COL11A1: variants seen among roughly 807,000 people sequenced by gnomAD.
COL11A1 encodes the protein collagen type XI alpha 1 chain.
Under a neutral mutation model 265.2 loss-of-function variants are expected in COL11A1, and 74 were observed. The ratio of observed to expected loss-of-function variants is 0.28; its 90% confidence interval spans 0.23 to 0.34. COL11A1 has a LOEUF of 0.34. Among genes scored for constraint, COL11A1 ranks in the 10% least tolerant of loss-of-function variants. The probability of loss-of-function intolerance (pLI) is 1.00; values close to 1 mark genes in which losing one functional copy is unlikely to be tolerated. For missense variants in COL11A1, 2,165 were observed against 2,263.6 expected (o/e 0.96, Z 0.88); for synonymous variants, 816 against 727.6 (o/e 1.12, Z -1.96).
chr1:103,013,396 A>T (rs975946593), intron 13 of COL11A1, among the ~76,000 whole-genome samples: 1 of 151,946 alleles, frequency 6.6e-6, no homozygotes, highest in African/African-American at 2.4e-5. Flanking sequence ...TAAAGTGAGG[A>T]ATTCAATGAC....
intron 28 of COL11A1, among the ~76,000 whole-genome samples, chr1:102,993,510 TA>T: frequency 6.6e-6 from 1 of 152,250 alleles, no homozygotes; most frequent in East Asian, 1.9e-4. Context: ...AAATAGTTGT[TA>T]TTTTTTCATT....
chr1:102,974,339 G>A (rs1186708920), intron 36 of COL11A1, among the ~76,000 whole-genome samples: 1 of 152,062 alleles, frequency 6.6e-6, no homozygotes, highest in Non-Finnish European at 1.5e-5. Context: ...GATTTAATGA[G>A]AATTCTCATT....
rs778398537 is a variant in COL11A1, at chr1:102,890,434, C to T, written c.4356+17G>A. 1 of 1,597,356 alleles carries T rather than the reference C, an allele frequency of 6.3e-7. No individual in the cohort carries two copies. The highest frequency in any genetic ancestry group is 8.6e-7 in the Non-Finnish European group (1 of 1,169,466). On this transcript the variant is annotated intron_variant, in intron 58 of 66. Coordinates refer to ENST00000370096, the MANE Select transcript of COL11A1 (RefSeq NM_001854.4). ...AAAGCATATTCTTTTATTAATAACA[C>T]ATTCTTTTATTCTCACCTTTTCACC...
intron 40 of COL11A1, 43 bp downstream of exon 40, chr1:102,962,133 C>T: frequency 6.7e-7 from 1 of 1,484,040 alleles, no homozygotes. Context: ...TTCTAATAAA[C>T]AATTGGAATC....
intron 4 of COL11A1, among the ~76,000 whole-genome samples, chr1:103,060,624 T>C (rs76748654): frequency 0.038 from 5,741 of 152,230 alleles, 127 homozygotes; most frequent in Middle Eastern, 0.092. Flanking sequence ...CATAAATCAG[T>C]ATAGTGTTAT....
rs896507824 is a variant in COL11A1 at position 102,962,524 on chromosome 1, C to A, written c.3024+129G>T. 11 of 866,276 alleles carry A rather than the reference C, an allele frequency of 1.3e-5. No homozygotes were observed. The South Asian group carries it at 1.4e-4, about 11-fold the overall frequency. The allele number at this position is 866,276 out of a possible 1,614,324, so 53.7% of individuals were successfully genotyped here. On this transcript the variant is annotated intron_variant, in intron 39 of 66. Coordinates refer to ENST00000370096, the MANE Select transcript of COL11A1 (RefSeq NM_001854.4). ...GAGCAATATCTTGGAGTACAATAAA[C>A]GCACATTAAATATTTTCCTGACACA...
chr1:102,918,709 G>A (rs1266356938), intron 49 of COL11A1, among the ~76,000 whole-genome samples: 4 of 151,952 alleles, frequency 2.6e-5, no homozygotes, highest in Non-Finnish European at 5.9e-5. Flanking sequence ...AACTCATTTT[G>A]ACTGGGATTG....
At chr1:102,951,511 C>T (rs1659874899) in intron 41 of COL11A1, among the ~76,000 whole-genome samples, 3 of 152,212 alleles carry the variant, frequency 2.0e-5, no homozygotes, top group South Asian at 4.1e-4. Context: ...TCCTGGCTAA[C>T]ACGGTGAAAC....
At chr1:103,103,546 T>G (rs923253804) in intron 1 of COL11A1, among the ~76,000 whole-genome samples, 6 of 151,962 alleles carry the variant, frequency 3.9e-5, no homozygotes, top group Non-Finnish European at 8.8e-5. Flanking sequence ...AAAAATTCAT[T>G]CTGTAACTAT....
intron 4 of COL11A1, among the ~76,000 whole-genome samples, chr1:103,040,871 G>A (rs905631065): frequency 1.5e-4 from 22 of 151,236 alleles, no homozygotes; most frequent in Non-Finnish European, 2.8e-4. Context: ...TAACATAAAA[G>A]CTATTAATTA....
chr1:102,890,320 G>A, intron 58 of COL11A1, 131 bp downstream of exon 58: 1 of 801,778 alleles, frequency 1.2e-6, no homozygotes, highest in Non-Finnish European at 2.0e-6. Context: ...GCTAAGGATT[G>A]AAGCTTTTTT....
chr1:103,108,024 A>C (rs1420231342), intron 1 of COL11A1, 49 bp downstream of exon 1: 12 of 1,342,626 alleles, frequency 8.9e-6, no homozygotes, highest in Non-Finnish European at 1.2e-5. Flanking sequence ...GCGCAGAAGC[A>C]GTAGGACCGA....
In COL11A1 at chr1:103,108,252, A is replaced by G. The variant is rs1674871410; in HGVS notation, c.-74T>C. 4.5e-6 allele frequency: 5 copies of G among 1,112,222 alleles called. No homozygotes were observed. Among genetic ancestry groups the G allele is most frequent in the Non-Finnish European group, 6.8e-6 (5 of 730,960 alleles). The allele number at this position is 1,112,222 out of a possible 1,614,324, so 68.9% of individuals were successfully genotyped here. Reference sequence around the variant, plus strand: ...CTGCAGACCAACTTCGTCCTTTCCAAGGTATCGCCAGGGATGTTTGCTACA... The same window carrying G: ...CTGCAGACCAACTTCGTCCTTTCCAGGGTATCGCCAGGGATGTTTGCTACA... On this transcript the variant is annotated 5_prime_UTR_variant, in exon 1 of 67. Coordinates refer to ENST00000370096, the MANE Select transcript of COL11A1 (RefSeq NM_001854.4).
At chr1:103,065,795 T>C (rs2102229395) in intron 4 of COL11A1, among the ~76,000 whole-genome samples, 1 of 152,084 alleles carries the variant, frequency 6.6e-6, no homozygotes, top group East Asian at 1.9e-4. Context: ...CATTTACAGA[T>C]GTAAGATGCT....
chr1:103,031,258 A>AC lies in COL11A1; in HGVS notation c.652-15_652-14insG. On this transcript the variant is annotated splice_polypyrimidine_tract_variant and intron_variant, in intron 4 of 66. Transcript: ENST00000370096. ...CTGAATGTCCCCCTGGGAAAAAAAA[A>AC]AAAACAAAAACAAACAGACACAGAT... The AC allele has an allele frequency of 1.3e-6, 2 of 1,599,844 alleles. No homozygotes were observed. Among genetic ancestry groups the AC allele is most frequent in the South Asian group, 2.2e-5 (2 of 90,706 alleles).
intron 49 of COL11A1, 40 bp downstream of exon 49, chr1:102,920,267 CTTAA>C (rs749958862): frequency 3.2e-6 from 5 of 1,551,158 alleles, no homozygotes; most frequent in Non-Finnish European, 4.5e-6. Context: ...TATTACAGTT[CTTAA>C]TTCATGCTGT....
In COL11A1 at chr1:102,949,150, C is replaced by G. The variant is rs559752039; in HGVS notation, c.3169-2194G>C. 3.9e-5 allele frequency among the ~76,000 whole-genome samples: 6 copies of G among 152,188 alleles called. 1 individual carries two copies. The highest frequency in any genetic ancestry group is 1.4e-4 in the African/African-American group (6 of 41,544). ...CAACAGAAGACAACACATGATGCAA[C>G]TAGGGTTATTCTACTCAAGTTAAAA... On this transcript the variant is annotated intron_variant, in intron 41 of 66. Transcript: ENST00000370096.
intron 1 of COL11A1, among the ~76,000 whole-genome samples, chr1:103,099,282 G>A (rs142282233): frequency 1.3e-5 from 2 of 151,558 alleles, no homozygotes; most frequent in Admixed American, 1.3e-4. Flanking sequence ...ATCTTATTAA[G>A]CATTTTGAAG....
At chr1:102,994,383 G>A (rs1570972797) in intron 28 of COL11A1, among the ~76,000 whole-genome samples, 1 of 152,110 alleles carries the variant, frequency 6.6e-6, no homozygotes, top group Middle Eastern at 3.4e-3. Context: ...TGCCTTCTCA[G>A]GAGATTTGAT....
Sources: gnomAD v4.1 joint callset for allele counts (sites outside exome capture counted in the v4.1 genomes callset) on GRCh38, gnomAD v4.1.1 for gene constraint, MANE v1.5 for transcripts, NCBI Gene and HGNC (gene_info 2026-07-23, HGNC 2026-07-21) for gene names.